Variants in ESRRG observed in about 807,000 individuals in gnomAD.
The protein encoded by ESRRG is estrogen-related receptor gamma.
Under a neutral mutation model 44.0 loss-of-function variants are expected in ESRRG, and 13 were observed. The ratio of observed to expected loss-of-function variants is 0.30; its 90% CI spans 0.19 to 0.47. The LOEUF is 0.47. Ranked by LOEUF, ESRRG falls within the 20% of genes least tolerant of loss-of-function variation. The pLI, the probability that ESRRG is intolerant of heterozygous loss-of-function variation, is 1.00. For synonymous variants in ESRRG, 215 were observed against 214.6 expected (o/e 1.00, Z -0.02); for missense variants, 395 against 580.6 (o/e 0.68, Z 3.29).
intron 1 of ESRRG, among the ~76,000 whole-genome samples, chr1:217,040,105 C>G (rs755734855): frequency 6.6e-6 from 1 of 152,196 alleles, no homozygotes; most frequent in African/African-American, 2.4e-5. Flanking sequence ...GCAGTGATAT[C>G]TCACACAACA....
intron 3 of ESRRG, among the ~76,000 whole-genome samples, chr1:216,644,689 G>A (rs563851998): frequency 1.3e-5 from 2 of 151,868 alleles, no homozygotes; most frequent in Non-Finnish European, 2.9e-5. Context: ...CTCCCACCTT[G>A]GCCTCCCAAA....
intron 2 of ESRRG, among the ~76,000 whole-genome samples, chr1:216,775,326 A>G (rs1215529525): frequency 1.3e-5 from 2 of 151,938 alleles, no homozygotes; most frequent in Non-Finnish European, 2.9e-5. Flanking sequence ...CACTTTAATT[A>G]TCTCCATAAT....
intron 1 of ESRRG, among the ~76,000 whole-genome samples, chr1:217,014,225 A>G (rs2079027263): frequency 6.6e-6 from 1 of 152,028 alleles, no homozygotes; most frequent in Admixed American, 6.6e-5. Context: ...TGTTTTCTGA[A>G]GCTGGATGAA....
chr1:216,822,861 A>G (rs932614948), intron 2 of ESRRG, among the ~76,000 whole-genome samples: 1 of 152,228 alleles, frequency 6.6e-6, no homozygotes, highest in Non-Finnish European at 1.5e-5. Context: ...CATACAACCC[A>G]GATGCTTATC....
intron 2 of ESRRG, among the ~76,000 whole-genome samples, chr1:216,810,586 T>C (rs1238065016): frequency 2.7e-5 from 4 of 147,468 alleles, no homozygotes; most frequent in African/African-American, 9.8e-5. Context: ...TATTATAAAT[T>C]ATATATATAA....
intron 3 of ESRRG, among the ~76,000 whole-genome samples, chr1:216,620,544 C>G (rs559268824): frequency 1.3e-5 from 2 of 152,232 alleles, no homozygotes; most frequent in African/African-American, 4.8e-5. Flanking sequence ...TTAATGAGGC[C>G]TAATTGTGAC....
chr1:217,126,604 A>C (rs533189952), intron 1 of ESRRG, among the ~76,000 whole-genome samples: 22 of 152,218 alleles, frequency 1.4e-4, no homozygotes, highest in Non-Finnish European at 3.1e-4. Flanking sequence ...TTGGTACCAG[A>C]TCTTCAAAAA....
intron 2 of ESRRG, among the ~76,000 whole-genome samples, chr1:216,912,809 A>T (rs2060632070): frequency 6.6e-6 from 1 of 152,082 alleles, no homozygotes; most frequent in African/African-American, 2.4e-5. Flanking sequence ...ACATCCCTGG[A>T]TTCAACCAAC....
intron 1 of ESRRG, among the ~76,000 whole-genome samples, chr1:216,684,156 C>T (rs920974600): frequency 3.3e-5 from 5 of 152,140 alleles, no homozygotes; most frequent in Non-Finnish European, 7.4e-5. Context: ...CTATGCTGTG[C>T]AAGCTGGAAG....
chr1:216,674,784 A>AT (rs1171211980), intron 2 of ESRRG, among the ~76,000 whole-genome samples: 36 of 151,800 alleles, frequency 2.4e-4, no homozygotes, highest in African/African-American at 8.2e-4. Flanking sequence ...TAATTTGTAA[A>AT]TTTTTTATAG....
At chr1:216,691,582 G>A (rs994234559) in intron 1 of ESRRG, among the ~76,000 whole-genome samples, 3 of 152,084 alleles carry the variant, frequency 2.0e-5, no homozygotes, top group African/African-American at 7.2e-5. Context: ...AAGGAGAAAC[G>A]ACATAATTAT....
chr1:217,130,443 T>C (rs1477998535), intron 1 of ESRRG, among the ~76,000 whole-genome samples: 1 of 152,092 alleles, frequency 6.6e-6, no homozygotes, highest in Non-Finnish European at 1.5e-5. Flanking sequence ...GCTATGTTGC[T>C]CAGGCTGGTC....
At chr1:216,970,185 C>A (rs1318440321) in intron 1 of ESRRG, among the ~76,000 whole-genome samples, 1 of 152,056 alleles carries the variant, frequency 6.6e-6, no homozygotes, top group African/African-American at 2.4e-5. Flanking sequence ...ATTACTGAAG[C>A]CACCAGAGTT....
At chr1:216,530,486 C>T (rs2049047068) in intron 5 of ESRRG, among the ~76,000 whole-genome samples, 1 of 152,050 alleles carries the variant, frequency 6.6e-6, no homozygotes, top group South Asian at 2.1e-4. Context: ...GGTAGAGTTG[C>T]TGGCTTTAAG....
intron 2 of ESRRG, among the ~76,000 whole-genome samples, chr1:216,739,060 G>C (rs1375994360): frequency 1.3e-5 from 2 of 152,026 alleles, no homozygotes; most frequent in African/African-American, 4.8e-5. Flanking sequence ...CGGAGGTCAG[G>C]GGAGGCTCCC....
chr1:216,674,171 C>CAAAGAT (rs2075690145), intron 2 of ESRRG, among the ~76,000 whole-genome samples: 1 of 152,140 alleles, frequency 6.6e-6, no homozygotes. Flanking sequence ...GGTAAACACC[C>CAAAGAT]AAAGATTTGA....
chr1:216,551,582 C>T (rs777172281), intron 5 of ESRRG, among the ~76,000 whole-genome samples: 3 of 152,214 alleles, frequency 2.0e-5, no homozygotes, highest in South Asian at 2.1e-4. Context: ...AATACACAGA[C>T]GTGTTAAAAC....
intron 1 of ESRRG, among the ~76,000 whole-genome samples, chr1:217,031,000 A>T (rs1348676033): frequency 6.6e-6 from 1 of 152,238 alleles, no homozygotes; most frequent in Admixed American, 6.5e-5. Flanking sequence ...AAAATTAAAA[A>T]TGTGGCTCAC....
intron 1 of ESRRG, among the ~76,000 whole-genome samples, chr1:217,055,047 G>A (rs976464030): frequency 1.3e-5 from 2 of 152,184 alleles, no homozygotes; most frequent in East Asian, 3.8e-4. Flanking sequence ...GAAAAGTTCA[G>A]AATAGGTTTC....
Sources: allele counts gnomAD v4.1 joint callset (sites outside exome capture counted in the v4.1 genomes callset), GRCh38; gene constraint gnomAD v4.1.1; transcripts MANE v1.5; gene names NCBI Gene and HGNC (gene_info 2026-07-23, HGNC 2026-07-21).